DCHS2: variants seen among roughly 807,000 people sequenced by gnomAD.
DCHS2 encodes protocadherin-23.
Under a neutral mutation model 182.4 loss-of-function variants are expected in DCHS2, and 142 were observed. The observed-to-expected ratio is 0.78, with a 90% CI of 0.68 to 0.89. DCHS2 has a LOEUF of 0.89. DCHS2 is among the 40% of genes least tolerant of loss of function. The pLI, the probability that DCHS2 is intolerant of heterozygous loss-of-function variation, is 0.00. For missense variants in DCHS2, 4,319 were observed against 4,198.6 expected (o/e 1.03, Z -0.79); for synonymous variants, 1,740 against 1,663.3 (o/e 1.05, Z -1.12).
intron 1 of DCHS2, among the ~76,000 whole-genome samples, chr4:154,414,352 C>T (rs1356764470): frequency 6.6e-6 from 1 of 151,830 alleles, no homozygotes; most frequent in Non-Finnish European, 1.5e-5. Flanking sequence ...TTCTTTAAAC[C>T]CAATCAAAAC....
In DCHS2 at chr4:154,235,730, A is replaced by C; in HGVS notation, c.8922T>G (p.Val2974=). The C allele has an allele frequency of 6.2e-7, 1 of 1,613,978 alleles. No homozygotes were observed. Among genetic ancestry groups the C allele is most frequent in the Non-Finnish European group, 8.5e-7 (1 of 1,179,856 alleles). The part of the protein sequence containing the change: ...KSDSKFASCT[V]FVNVSFSSEG... ...CAGAGGAGAAAGACACATTCACAAA[A>C]ACAGTGCAAGATGCAAACTTGGAAT... Residue 2974 remains valine, a synonymous_variant, in exon 20 of 20, where the codon GTT becomes GTG. Coordinates refer to ENST00000357232, the MANE Select transcript of DCHS2 (RefSeq NM_001358235.2).
At chr4:154,371,210 A>C (rs1280632572) in intron 2 of DCHS2, among the ~76,000 whole-genome samples, 2 of 152,130 alleles carry the variant, frequency 1.3e-5, no homozygotes, top group Non-Finnish European at 1.5e-5. Flanking sequence ...ACAGGAAAAA[A>C]AAAAAAGAGG....
At chr4:154,425,789 C>T (rs1733300271) in intron 1 of DCHS2, among the ~76,000 whole-genome samples, 1 of 152,204 alleles carries the variant, frequency 6.6e-6, no homozygotes, top group Non-Finnish European at 1.5e-5. Context: ...AGTGTGCACA[C>T]CACAGACCCC....
chr4:154,298,900 T>C (rs138486768), intron 12 of DCHS2, 192 bp from the exon 13 acceptor site: 1 of 677,268 alleles, frequency 1.5e-6, no homozygotes. Context: ...ATGAAACTTC[T>C]ATTGAGGGGA....
chr4:154,270,070 A>G, intron 13 of DCHS2, 57 bp from the exon 14 acceptor site: 1 of 1,540,490 alleles, frequency 6.5e-7, no homozygotes, highest in Non-Finnish European at 8.7e-7. Flanking sequence ...TCATGGAAAC[A>G]CAAGAGAAAA....
chr4:154,287,847 A>T (rs1382605221), intron 13 of DCHS2, among the ~76,000 whole-genome samples: 3 of 152,114 alleles, frequency 2.0e-5, no homozygotes, highest in Admixed American at 6.6e-5. Context: ...TTCGGTGCCA[A>T]GTTATCATCA....
At chr4:154,342,392 G>A (rs1206681374) in intron 3 of DCHS2, among the ~76,000 whole-genome samples, 1 of 152,096 alleles carries the variant, frequency 6.6e-6, no homozygotes, top group East Asian at 1.9e-4. Context: ...CACATTGATT[G>A]ACTCTTCCTT....
chr4:154,482,241 G>A (rs913874444), intron 1 of DCHS2, among the ~76,000 whole-genome samples: 2 of 152,194 alleles, frequency 1.3e-5, no homozygotes, highest in Non-Finnish European at 1.5e-5. Flanking sequence ...CTTCTCATAT[G>A]AAACATATTA....
Position 154,405,464 on chromosome 4 carries a change from A to G in DCHS2, c.2053-28020T>C, listed in dbSNP as rs148883061. On this transcript the variant is annotated intron_variant, in intron 1 of 19. Coordinates refer to ENST00000357232, the MANE Select transcript of DCHS2 (RefSeq NM_001358235.2). Reference sequence around the variant, plus strand: ...GATTCATATTTATTCATATATATATATATATATTTTCATTGCTCCATTCAC... The same window carrying G: ...GATTCATATTTATTCATATATATATGTATATATTTTCATTGCTCCATTCAC... 5.4e-4 allele frequency among the ~76,000 whole-genome samples: 81 copies of G among 151,054 alleles called. 1 individual carries two copies. The East Asian group carries it at 0.013, about 25-fold the overall frequency.
At chr4:154,402,630 T>A (rs1218352479) in intron 1 of DCHS2, among the ~76,000 whole-genome samples, 2 of 152,154 alleles carry the variant, frequency 1.3e-5, no homozygotes, top group Non-Finnish European at 2.9e-5. Flanking sequence ...AGGAGCAAAG[T>A]CCCATCTTAC....
Position 154,236,102 on chromosome 4 carries a change from G to A in DCHS2, c.8550C>T (p.Leu2850=). The A allele has an allele frequency of 1.2e-6, 2 of 1,613,718 alleles. No homozygotes were observed. Among genetic ancestry groups the A allele is most frequent in the Non-Finnish European group, 1.7e-6 (2 of 1,179,950 alleles). Reference sequence around the variant, plus strand: ...CACCTTTGTCTTTGGCTTGGACTGTGAGGCAGTATTTATTGCCATTTTCAT... The same window carrying A: ...CACCTTTGTCTTTGGCTTGGACTGTAAGGCAGTATTTATTGCCATTTTCAT... The part of the protein sequence containing the change: ...LDYENGNKYC[L]TVQAKDKGDA... Residue 2850 remains leucine (L), a synonymous_variant, in exon 20 of 20, where the codon CTC becomes CTT. Transcript: ENST00000357232.
chr4:154,432,297 G>T (rs1733591614), intron 1 of DCHS2, among the ~76,000 whole-genome samples: 1 of 152,120 alleles, frequency 6.6e-6, no homozygotes, highest in Admixed American at 6.6e-5. Flanking sequence ...TAATGCTAAA[G>T]ACTCTCAGCT....
chr4:154,355,272 A>T (rs770832817), intron 3 of DCHS2, among the ~76,000 whole-genome samples: 2 of 152,136 alleles, frequency 1.3e-5, no homozygotes, highest in African/African-American at 4.8e-5. Context: ...GCAACCTATG[A>T]TCATCTTCTC....
chr4:154,372,188 G>A (rs767555320), intron 2 of DCHS2, among the ~76,000 whole-genome samples: 1 of 152,082 alleles, frequency 6.6e-6, no homozygotes, highest in Non-Finnish European at 1.5e-5. Context: ...TAGAAAACAC[G>A]GGACAATGGG....
intron 15 of DCHS2, 147 bp downstream of exon 15, chr4:154,259,398 A>T: frequency 7.1e-7 from 1 of 1,410,852 alleles, no homozygotes; most frequent in Non-Finnish European, 9.2e-7. Flanking sequence ...TCCCATCTAT[A>T]AAATGTACAT....
intron 1 of DCHS2, among the ~76,000 whole-genome samples, chr4:154,428,789 G>GCTA (rs1426978197): frequency 6.6e-6 from 1 of 151,916 alleles, no homozygotes; most frequent in Non-Finnish European, 1.5e-5. Flanking sequence ...TGTAATCCCA[G>GCTA]CTACTCAAGA....
chr4:154,345,510 G>A (rs915164117), intron 3 of DCHS2, among the ~76,000 whole-genome samples: 8 of 152,180 alleles, frequency 5.3e-5, no homozygotes, highest in South Asian at 2.1e-4. Flanking sequence ...GGTTCTCCAA[G>A]CAAATAAACA....
At chr4:154,267,001 G>A (rs1733311558) in intron 14 of DCHS2, among the ~76,000 whole-genome samples, 1 of 152,140 alleles carries the variant, frequency 6.6e-6, no homozygotes, top group South Asian at 2.1e-4. Context: ...CTTGCTGTGT[G>A]AATTATTTTC....
chr4:154,353,500 CA>C, intron 3 of DCHS2, among the ~76,000 whole-genome samples: 1 of 152,292 alleles, frequency 6.6e-6, no homozygotes, highest in South Asian at 2.1e-4. Context: ...AGAATACAGA[CA>C]GGGTGAAAGT....
Sources: allele counts gnomAD v4.1 joint callset (sites outside exome capture counted in the v4.1 genomes callset), GRCh38; gene constraint gnomAD v4.1.1; transcripts MANE v1.5; gene names NCBI Gene and HGNC (gene_info 2026-07-23, HGNC 2026-07-21).